Variants in OCM2 observed in about 807,000 individuals in gnomAD.
OCM2 encodes oncomodulin 2.
A neutral mutation model predicts 13.6 loss-of-function variants in OCM2; 6 were observed. The ratio of observed to expected loss-of-function variants is 0.44; its 90% confidence interval spans 0.24 to 0.87. OCM2 has a LOEUF of 0.87. OCM2 is among the 40% of genes least tolerant of loss of function. The pLI is 0.22. For synonymous variants in OCM2, 40 were observed against 50.7 expected, an observed-to-expected ratio of 0.79 and a Z score of 0.90; for missense variants, 118 against 136.8, an observed-to-expected ratio of 0.86 and a Z score of 0.68.
At chr7:97,987,291 G>T (rs531114304) in intron 2 of OCM2, 135 bp from the exon 3 acceptor site, 4 of 963,320 alleles carry the variant, frequency 4.2e-6, no homozygotes, top group South Asian at 3.2e-5. Context: ...GCAAGCAAAG[G>T]TTTCCTTAAG....
chr7:97,990,124 A>G, exon 1 of OCM2: 1 of 1,613,088 alleles, frequency 6.2e-7, no homozygotes, highest in South Asian at 1.1e-5. Flanking sequence ...ACTCACACAG[A>G]ATAAACGAGA....
intron 3 of OCM2, among the ~76,000 whole-genome samples, chr7:97,985,431 A>AAAAG (rs1554366491): frequency 0.042 from 5,482 of 131,218 alleles, 237 homozygotes; most frequent in East Asian, 0.18. Context: ...AAAAAAAAAA[A>AAAAG]AAAGAAAGAA....
In OCM2 at chr7:97,985,000, G is replaced by A. The variant is rs1320082107; in HGVS notation, c.305-17C>T. The A allele has an allele frequency of 2.5e-6, 4 of 1,613,980 alleles. No homozygotes were observed. The highest frequency in any genetic ancestry group is 3.4e-6 in the Non-Finnish European group (4 of 1,180,004). On this transcript the variant is annotated splice_polypyrimidine_tract_variant and intron_variant, in intron 3 of 3. Coordinates refer to ENST00000257627, the Ensembl canonical transcript of OCM2. ...CCTGGAATTCTAGAACAGAAGAGGT[G>A]AGAACAGGGTCAGTGGAGGTGGCTT...
intron 3 of OCM2, among the ~76,000 whole-genome samples, chr7:97,986,372 C>G (rs1794671149): frequency 6.6e-6 from 1 of 151,692 alleles, no homozygotes. Flanking sequence ...TTCAAATTAG[C>G]ACCACCAGAA....
intron 3 of OCM2, 118 bp downstream of exon 3, chr7:97,986,929 G>A: frequency 6.7e-7 from 1 of 1,491,018 alleles, no homozygotes; most frequent in Non-Finnish European, 9.0e-7. Context: ...GAAGACTGAG[G>A]CTCGGTAAGG....
At chr7:97,990,015 A>AGGGCGCCC in intron 1 of OCM2, 29 bp downstream of exon 1, 2 of 780,804 alleles carry the variant, frequency 2.6e-6, no homozygotes, top group Non-Finnish European at 4.3e-6. Flanking sequence ...CTGTGAGGAA[A>AGGGCGCCC]TCCCACCCCC....
intron 3 of OCM2, among the ~76,000 whole-genome samples, chr7:97,985,447 G>GAAAT (rs1794661228): frequency 6.7e-6 from 1 of 148,342 alleles, no homozygotes; most frequent in Non-Finnish European, 1.5e-5. Context: ...AAGAAAGAAA[G>GAAAT]AAAGAAAGAA....
intron 1 of OCM2, among the ~76,000 whole-genome samples, chr7:97,988,762 G>A (rs1794698259): frequency 6.6e-6 from 1 of 151,720 alleles, no homozygotes; most frequent in Non-Finnish European, 1.5e-5. Context: ...TCCTCCACTT[G>A]GTTTTGTCCA....
At chr7:97,985,245 C>A in intron 3 of OCM2, among the ~76,000 whole-genome samples, 1 of 151,874 alleles carries the variant, frequency 6.6e-6, no homozygotes, top group Non-Finnish European at 1.5e-5. Context: ...ATGGTGAAAC[C>A]CTGTCTCTAC....
chr7:97,988,148 C>T (rs552183437), intron 2 of OCM2, among the ~76,000 whole-genome samples: 3 of 151,976 alleles, frequency 2.0e-5, no homozygotes, highest in Admixed American at 1.3e-4. Context: ...CTGAGATCAC[C>T]CCACTGCACT....
chr7:97,987,533 A>G (rs1794684858), intron 2 of OCM2, among the ~76,000 whole-genome samples: 1 of 151,596 alleles, frequency 6.6e-6, no homozygotes, highest in South Asian at 2.1e-4. Flanking sequence ...TTTTTTTTGT[A>G]GAGACAAGGT....
exon 2 of OCM2, chr7:97,988,480 C>A: frequency 6.2e-7 from 1 of 1,614,164 alleles, no homozygotes; most frequent in Non-Finnish European, 8.5e-7. Context: ...ACATCCTTCA[C>A]CTGACTGGCT....
chr7:97,988,450 C>G, exon 2 of OCM2: 1 of 1,614,110 alleles, frequency 6.2e-7, no homozygotes, highest in Non-Finnish European at 8.5e-7. Flanking sequence ...CCGCTCTGGT[C>G]GTTGTCTATG....
At chr7:97,988,676 G>T in intron 1 of OCM2, 128 bp from the exon 2 acceptor site, 2 of 1,295,486 alleles carry the variant, frequency 1.5e-6, no homozygotes, top group Non-Finnish European at 1.1e-6. Flanking sequence ...ATGCTCAACT[G>T]GTCTAAGATT....
chr7:97,988,375 C>T (rs1222398021), intron 2 of OCM2, 41 bp downstream of exon 2: 2 of 1,612,254 alleles, frequency 1.2e-6, no homozygotes, highest in Non-Finnish European at 1.7e-6. Flanking sequence ...CAGGCCCACC[C>T]AGCAGTGCCA....
Position 97,988,551 on chromosome 7 carries a change from G to A in OCM2, c.62-3C>T, listed in dbSNP as rs778321222. 1.2e-6 allele frequency: 2 copies of A among 1,614,182 alleles called. No homozygotes were observed. The highest frequency in any genetic ancestry group is 1.7e-6 in the Non-Finnish European group (2 of 1,180,030). On this transcript the variant is annotated splice_polypyrimidine_tract_variant and splice_region_variant and intron_variant, in intron 1 of 3. Transcript: ENST00000257627. ...TTGGGGTTCAAAAGTGTCTGGGTCT[G>A]AAGAACAGAGAATGGGTTATTCTGA... is the stretch of plus-strand genomic sequence containing the variant.
intron 2 of OCM2, among the ~76,000 whole-genome samples, chr7:97,987,828 G>A (rs541971746): frequency 2.4e-4 from 36 of 152,228 alleles, no homozygotes; most frequent in African/African-American, 6.3e-4. Flanking sequence ...AATTACAGGC[G>A]TGAGCCACCG....
chr7:97,985,026 C>G (rs746781409), intron 3 of OCM2, 43 bp from the exon 4 acceptor site: 1 of 1,613,886 alleles, frequency 6.2e-7, no homozygotes, highest in Admixed American at 1.7e-5. Flanking sequence ...GAGGTGGCTT[C>G]GTTCTTTACA....
chr7:97,988,021 T>C (rs180998583), intron 2 of OCM2, among the ~76,000 whole-genome samples: 1 of 152,056 alleles, frequency 6.6e-6, no homozygotes, highest in East Asian at 1.9e-4. Flanking sequence ...TGAAACCCCA[T>C]CTCTACTCTA....
Sources: allele counts gnomAD v4.1 joint callset (sites outside exome capture counted in the v4.1 genomes callset), GRCh38; gene constraint gnomAD v4.1.1; transcripts MANE v1.5; gene names NCBI Gene and HGNC (gene_info 2026-07-23, HGNC 2026-07-21).